Variants in F13A1 observed in about 807,000 individuals in gnomAD.
F13A1 encodes the protein FSF, A subunit.
In F13A1, 47 loss-of-function variants were observed where a neutral mutation model predicts 80.1. The observed-to-expected ratio is 0.59, with a 90% CI of 0.46 to 0.75. The LOEUF is 0.75. Ranked by LOEUF, F13A1 falls within the 30% of genes least tolerant of loss-of-function variation. F13A1 has a pLI of 0.00. For missense variants in F13A1, 817 were observed against 930.4 expected, an observed-to-expected ratio of 0.88 and a Z score of 1.59; for synonymous variants, 349 against 344.9, an observed-to-expected ratio of 1.01 and a Z score of -0.13.
At chr6:6,303,483 G>A (rs1758465860) in intron 3 of F13A1, among the ~76,000 whole-genome samples, 1 of 152,178 alleles carries the variant, frequency 6.6e-6, no homozygotes, top group Admixed American at 6.5e-5. Flanking sequence ...AATATACATT[G>A]TGGATTGATT....
intron 6 of F13A1, among the ~76,000 whole-genome samples, chr6:6,233,306 G>T (rs1017027349): frequency 6.6e-6 from 1 of 151,954 alleles, no homozygotes; most frequent in African/African-American, 2.4e-5. Flanking sequence ...ATCATTCAAG[G>T]CTACTATGAA....
chr6:6,173,527 C>A (rs1760814699), intron 12 of F13A1, among the ~76,000 whole-genome samples: 1 of 152,006 alleles, frequency 6.6e-6, no homozygotes, highest in Admixed American at 6.6e-5. Context: ...CCTGCCTCAG[C>A]CTCCTGAGTA....
chr6:6,183,776 G>T (rs1761029366), intron 10 of F13A1, among the ~76,000 whole-genome samples: 1 of 152,134 alleles, frequency 6.6e-6, no homozygotes, highest in South Asian at 2.1e-4. Flanking sequence ...AGAAACCTGG[G>T]TTCCGATAGT....
chr6:6,167,158 A>G (rs969630779), intron 13 of F13A1, among the ~76,000 whole-genome samples: 13 of 152,296 alleles, frequency 8.5e-5, no homozygotes, highest in African/African-American at 2.9e-4. Context: ...TAGCCATTAC[A>G]CATCTTTATC....
intron 3 of F13A1, 27 bp from the exon 4 acceptor site, chr6:6,266,836 G>T: frequency 6.2e-7 from 1 of 1,613,992 alleles, no homozygotes; most frequent in South Asian, 1.1e-5. Flanking sequence ...GAAATACTCT[G>T]TTAGGTTGAT....
intron 2 of F13A1, among the ~76,000 whole-genome samples, chr6:6,315,915 T>A (rs893637120): frequency 6.6e-6 from 1 of 151,024 alleles, no homozygotes; most frequent in Non-Finnish European, 1.5e-5. Context: ...TTCCAAGGTT[T>A]AGTCGCTTAG....
chr6:6,287,473 A>G (rs562723078), intron 3 of F13A1, among the ~76,000 whole-genome samples: 1 of 144,034 alleles, frequency 6.9e-6, no homozygotes, highest in East Asian at 2.0e-4. Context: ...GTGAAGGCAA[A>G]TTAGGGGAAT....
Position 6,261,246 on chromosome 6 carries a change from C to T in F13A1, c.571+5312G>A, listed in dbSNP as rs960993508. Among the ~76,000 whole-genome samples the T allele has an allele frequency of 3.5e-4, 53 of 152,162 alleles. 1 individual carries two copies. The highest frequency in any genetic ancestry group is 1.3e-3 in the African/African-American group (52 of 41,434). ...TCTCCCGAAGTGCTGGGATTACAGG[C>T]GTGAGCCACTGGGCCCGGCCCTGCC... On this transcript the variant is annotated intron_variant, in intron 4 of 14. Transcript: ENST00000264870.
chr6:6,269,712 GTTTTA>G (rs1757895554), intron 3 of F13A1, among the ~76,000 whole-genome samples: 1 of 149,856 alleles, frequency 6.7e-6, no homozygotes, highest in Non-Finnish European at 1.5e-5. Context: ...TTTTTTGTTT[GTTTTA>G]TTTTGTTTTG....
Position 6,151,911 on chromosome 6 carries a change from C to A in F13A1, c.1947G>T (p.Val649=). The A allele has an allele frequency of 6.2e-7, 1 of 1,614,086 alleles. No individual in the cohort carries two copies. The highest frequency in any genetic ancestry group is 1.1e-5 in the South Asian group (1 of 91,088). The part of the protein sequence containing the change: ...GTQVVGSDMT[V]TVEFTNPLKE... ...TTAAAGGATTGGTAAACTCAACTGT[C>A]ACAGTCATGTCAGAACCAACTACCT... The change falls in exon 14 of 15, where the codon GTG becomes GTT. Residue 649 remains valine (V), a synonymous_variant. Coordinates refer to ENST00000264870, the MANE Select transcript of F13A1 (RefSeq NM_000129.4).
At chr6:6,229,095 A>T (rs1757316141) in intron 6 of F13A1, among the ~76,000 whole-genome samples, 1 of 152,252 alleles carries the variant, frequency 6.6e-6, no homozygotes, top group African/African-American at 2.4e-5. Context: ...TTCAGAAGTG[A>T]GATCAAACTA....
intron 3 of F13A1, among the ~76,000 whole-genome samples, chr6:6,272,750 T>G (rs1757939713): frequency 6.6e-6 from 1 of 152,104 alleles, no homozygotes; most frequent in South Asian, 2.1e-4. Context: ...AAGGACAAAC[T>G]CCTACAACAA....
At chr6:6,220,367 G>A (rs1258231215) in intron 8 of F13A1, among the ~76,000 whole-genome samples, 1 of 152,186 alleles carries the variant, frequency 6.6e-6, no homozygotes, top group Admixed American at 6.5e-5. Flanking sequence ...GCAGGGACCT[G>A]AATGAGGACA....
At chr6:6,198,664 G>A (rs1424923149) in intron 8 of F13A1, among the ~76,000 whole-genome samples, 1 of 152,080 alleles carries the variant, frequency 6.6e-6, no homozygotes, top group East Asian at 1.9e-4. Flanking sequence ...ACCCATAAAG[G>A]GTAATCTTCT....
rs373039706 is a variant in F13A1 at position 6,250,857 on chromosome 6, T to C, written c.644A>G (p.Tyr215Cys). 1.2e-6 allele frequency: 2 copies of C among 1,613,622 alleles called. No homozygotes were observed. Among genetic ancestry groups the C allele is most frequent in the South Asian group, 1.1e-5 (1 of 91,080 alleles). Residue 215 changes from tyrosine (Y) to cysteine (C), a missense_variant, in exon 5 of 15, where the codon TAT (tyrosine) becomes TGT (cysteine). Tyr to Cys is a radical substitution (Grantham distance 194, BLOSUM62 -2). Transcript: ENST00000264870. This position sits in a 1 kb window ranked among gnomAD's most constrained non-coding sequence, Gnocchi z 4.2. ...YVLNDIGVIF[Y>C]GEVNDIKTRS... is the part of the protein sequence containing the mutation. Reference sequence around the variant, plus strand: ...GGTCTTGATGTCATTGACCTCTCCATAAAAAATTACCCCGATGTCATTCAG... The same window carrying C: ...GGTCTTGATGTCATTGACCTCTCCACAAAAAATTACCCCGATGTCATTCAG...
At chr6:6,236,588 TA>T (rs913029673) in intron 6 of F13A1, among the ~76,000 whole-genome samples, 1 of 152,102 alleles carries the variant, frequency 6.6e-6, no homozygotes, top group African/African-American at 2.4e-5. Flanking sequence ...TTCTGCTTTT[TA>T]AAAAAATATG....
chr6:6,176,089 A>G (rs1760879325), intron 11 of F13A1, among the ~76,000 whole-genome samples: 1 of 152,220 alleles, frequency 6.6e-6, no homozygotes, highest in African/African-American at 2.4e-5. Flanking sequence ...ATCTTTGTGT[A>G]TCCCTAAGGA....
chr6:6,169,730 C>T (rs1760739438), intron 12 of F13A1, among the ~76,000 whole-genome samples: 1 of 152,132 alleles, frequency 6.6e-6, no homozygotes, highest in South Asian at 2.1e-4. Flanking sequence ...GTTAAACATC[C>T]TACAATGCAC....
intron 8 of F13A1, among the ~76,000 whole-genome samples, chr6:6,216,897 C>T (rs1583076775): frequency 6.7e-6 from 1 of 150,328 alleles, no homozygotes; most frequent in African/African-American, 2.5e-5. Flanking sequence ...CAAAAGAAGA[C>T]ATTTATGCAG....
Sources: gnomAD v4.1 joint callset for allele counts (sites outside exome capture counted in the v4.1 genomes callset) on GRCh38, gnomAD v4.1.1 for gene constraint, Gnocchi (gnomAD v3.1) non-coding constraint, MANE v1.5 for transcripts, NCBI Gene and HGNC (gene_info 2026-07-23, HGNC 2026-07-21) for gene names.